The following POLR1E variants were observed in gnomAD, a reference collection of about 807,000 sequenced individuals.
The protein encoded by POLR1E is DNA-directed RNA polymerase I subunit RPA49.
In POLR1E, 37 loss-of-function variants were observed where a neutral mutation model predicts 50.9. The ratio of observed to expected loss-of-function variants is 0.73; its 90% CI spans 0.56 to 0.96. The LOEUF is 0.96. Among genes scored for constraint, POLR1E ranks in the 40% least tolerant of loss-of-function variants. The probability of loss-of-function intolerance (pLI) is 0.00; values close to 1 mark genes in which losing one functional copy is unlikely to be tolerated. For missense variants in POLR1E, 426 were observed against 518.1 expected (o/e 0.82, Z 1.73); for synonymous variants, 166 against 191.6 (o/e 0.87, Z 1.10).
At chr9:37,488,056 T>C in intron 3 of POLR1E, 117 bp downstream of exon 3, 3 of 962,120 alleles carry the variant, frequency 3.1e-6, no homozygotes, top group Non-Finnish European at 4.8e-6. Flanking sequence ...AGAGGTTTAC[T>C]AGGTGATCCC....
In POLR1E at chr9:37,501,820, G is replaced by A. The variant is rs1261841508; in HGVS notation, c.1076G>A (p.Arg359Lys). Reference protein sequence around the residue: ...DFQIDLTVLQRDLKLSEKRMM... With the variant: ...DFQIDLTVLQKDLKLSEKRMM... ...CAAATTGACCTGACAGTGTTACAGA[G>A]GGACTTGAAGCTCAGTGAGAAAAGG... Residue 359 changes from arginine to lysine, a missense_variant, in exon 11 of 12, where the codon AGG (arginine) becomes AAG (lysine). Coordinates refer to ENST00000377798, the MANE Select transcript of POLR1E (RefSeq NM_022490.4). 1 of 1,613,730 alleles carries A rather than the reference G, an allele frequency of 6.2e-7. No individual in the cohort carries two copies. Among genetic ancestry groups the A allele is most frequent in the Non-Finnish European group, 8.5e-7 (1 of 1,179,988 alleles).
Position 37,486,003 on chromosome 9 carries a change from G to T in POLR1E, c.-45G>T. ...CCGCGTGTTTAAAAGTGCGCTTGTG[G>T]CTGCTGCTGTCTTAACTCCTGTGCT... On this transcript the variant is annotated 5_prime_UTR_variant, in exon 1 of 12. Coordinates refer to ENST00000377798, the MANE Select transcript of POLR1E (RefSeq NM_022490.4). The T allele has an allele frequency of 6.3e-7, 1 of 1,575,590 alleles. No homozygotes were observed. The highest frequency in any genetic ancestry group is 8.6e-7 in the Non-Finnish European group (1 of 1,161,782).
intron 4 of POLR1E, among the ~76,000 whole-genome samples, chr9:37,490,021 CTG>C (rs60141301): frequency 0.22 from 32,717 of 152,134 alleles, 3,664 homozygotes; most frequent in East Asian, 0.26. Flanking sequence ...TAAAAGCAAT[CTG>C]AGCAATGATC....
chr9:37,492,176 C>A, intron 4 of POLR1E: 2 of 1,034,282 alleles, frequency 1.9e-6, no homozygotes, highest in Non-Finnish European at 1.3e-6. Flanking sequence ...CACTCCAGAG[C>A]TTGTACTGTT....
chr9:37,492,548 G>C, intron 4 of POLR1E, 109 bp from the exon 5 acceptor site: 2 of 1,096,406 alleles, frequency 1.8e-6, no homozygotes, highest in Non-Finnish European at 2.7e-6. Flanking sequence ...AAGTCCTATA[G>C]TAAAGAAATC....
At chr9:37,492,603 T>C in intron 4 of POLR1E, 54 bp from the exon 5 acceptor site, 1 of 1,495,228 alleles carries the variant, frequency 6.7e-7, no homozygotes, top group South Asian at 1.1e-5. Flanking sequence ...CTATTACTAT[T>C]TGTAGGCCTC....
intron 6 of POLR1E, 76 bp from the exon 7 acceptor site, chr9:37,495,093 A>C: frequency 2.5e-6 from 3 of 1,221,988 alleles, no homozygotes; most frequent in Non-Finnish European, 3.6e-6. Context: ...GGTGGTCTGA[A>C]GTGCACAGAC....
Position 37,493,588 on chromosome 9 carries a change from C to A in POLR1E, c.432C>A (p.Thr144=). Residue 144 remains threonine, a synonymous_variant, in exon 6 of 12, where the codon ACC becomes ACA. Coordinates refer to ENST00000377798, the MANE Select transcript of POLR1E (RefSeq NM_022490.4). Reference sequence around the variant, plus strand: ...ATTCTTGTATTGAAGCCTTTGGTACCACCAAACAGAAGCGAGCTCTGAACA... The same window carrying A: ...ATTCTTGTATTGAAGCCTTTGGTACAACCAAACAGAAGCGAGCTCTGAACA... ...KMDSCIEAFG[T]TKQKRALNTR... 1.2e-6 allele frequency: 2 copies of A among 1,608,310 alleles called. No homozygotes were observed. Among genetic ancestry groups the A allele is most frequent in the Non-Finnish European group, 1.7e-6 (2 of 1,176,958 alleles).
chr9:37,495,126 G>T, intron 6 of POLR1E, 43 bp from the exon 7 acceptor site: 2 of 1,504,768 alleles, frequency 1.3e-6, no homozygotes, highest in South Asian at 1.1e-5. Context: ...TGGGGAACTG[G>T]AAACAAACAG....
Position 37,503,226 on chromosome 9 carries a change from T to C in POLR1E, c.*24T>C, listed in dbSNP as rs762853606. 6.3e-7 allele frequency: 1 copy of C among 1,575,374 alleles called. No homozygotes were observed. The highest frequency in any genetic ancestry group is 1.2e-5 in the South Asian group (1 of 85,714). ...AGACGCATGCTTTCCAGACAGGGCG[T>C]TTTGGCTGCATCACAGCCACTGGCT... On this transcript the variant is annotated 3_prime_UTR_variant, in exon 12 of 12. Transcript: ENST00000377798.
Position 37,493,723 on chromosome 9 carries a change from G to A in POLR1E, c.547+20G>A. ...TGACTGGTAAGAAGTTGGAACTTGG[G>A]CTAAGAGTCTGCCCATAATGACAGC... On this transcript the variant is annotated intron_variant, in intron 6 of 11. Transcript: ENST00000377798. 6.7e-7 allele frequency: 1 copy of A among 1,488,944 alleles called. No individual in the cohort carries two copies. The highest frequency in any genetic ancestry group is 9.0e-7 in the Non-Finnish European group (1 of 1,110,206). The allele number at this position is 1,488,944 out of a possible 1,614,324, so 92.2% of individuals were successfully genotyped here.
chr9:37,488,293 T>C (rs550389906), intron 3 of POLR1E, among the ~76,000 whole-genome samples: 15 of 152,312 alleles, frequency 9.8e-5, no homozygotes, highest in African/African-American at 3.1e-4. Context: ...CTTGGTAGTG[T>C]TGAAGGCTCT....
In POLR1E at chr9:37,492,443, C is replaced by A. The variant is rs10814562; in HGVS notation, c.344-214C>A. 911 of 866,214 alleles carry A rather than the reference C, an allele frequency of 1.1e-3. 5 individuals carry two copies. The African/African-American group carries it at 0.014, about 14-fold the overall frequency. The allele number at this position is 866,214 out of a possible 1,614,324, so 53.7% of individuals were successfully genotyped here. ...AAATGAAGAGGTTGGGCTGGATGAC[C>A]GCTTGATTTGGCTAATTTATTTTCC... is the stretch of plus-strand genomic sequence containing the variant. On this transcript the variant is annotated intron_variant, in intron 4 of 11. Coordinates refer to ENST00000377798, the MANE Select transcript of POLR1E (RefSeq NM_022490.4).
At chr9:37,487,252 G>A (rs1820593354) in intron 2 of POLR1E, among the ~76,000 whole-genome samples, 1 of 152,206 alleles carries the variant, frequency 6.6e-6, no homozygotes. Context: ...CTGGCTGTGA[G>A]GGACACTTTT....
chr9:37,486,535 C>T (rs1820579257), intron 1 of POLR1E, 168 bp from the exon 2 acceptor site: 1 of 1,570,134 alleles, frequency 6.4e-7, no homozygotes, highest in Non-Finnish European at 8.6e-7. Context: ...ACCTCCTCTT[C>T]TCAGCTGGCC....
chr9:37,493,454 G>C, intron 5 of POLR1E, 105 bp from the exon 6 acceptor site: 1 of 1,011,004 alleles, frequency 9.9e-7, no homozygotes, highest in Non-Finnish European at 1.4e-6. Context: ...CACAGGTGAG[G>C]TAGTGATCAC....
chr9:37,503,314 A>C lies in POLR1E; in HGVS notation c.*112A>C. On this transcript the variant is annotated 3_prime_UTR_variant, in exon 12 of 12. Coordinates refer to ENST00000377798, the MANE Select transcript of POLR1E (RefSeq NM_022490.4). Reference sequence around the variant, plus strand: ...AGAAAAGGTCCGGGGATGGTGGCTCACACCTGAAATCCCAGCACTTTGGGA... The same window carrying C: ...AGAAAAGGTCCGGGGATGGTGGCTCCCACCTGAAATCCCAGCACTTTGGGA... 1 of 1,331,058 alleles carries C rather than the reference A, an allele frequency of 7.5e-7. No individual in the cohort carries two copies. The highest frequency in any genetic ancestry group is 1.0e-6 in the Non-Finnish European group (1 of 1,000,994). The allele number at this position is 1,331,058 out of a possible 1,614,324, so 82.5% of individuals were successfully genotyped here.
Position 37,500,862 on chromosome 9 carries a change from C to G in POLR1E, c.909C>G (p.Pro303=), listed in dbSNP as rs1371816288. Residue 303 remains proline, a synonymous_variant, in exon 10 of 12, where the codon CCC becomes CCG. Coordinates refer to ENST00000377798, the MANE Select transcript of POLR1E (RefSeq NM_022490.4). Reference sequence around the variant, plus strand: ...TAGGTGCTCTGGGACCTGGAGTTCCCCACATCATCAACACCAAACTGCTGA... The same window carrying G: ...TAGGTGCTCTGGGACCTGGAGTTCCGCACATCATCAACACCAAACTGCTGA... ...KRKSALGPGV[P]HIINTKLLKH... 1 of 1,613,676 alleles carries G rather than the reference C, an allele frequency of 6.2e-7. No homozygotes were observed. Among genetic ancestry groups the G allele is most frequent in the African/African-American group, 1.3e-5 (1 of 74,894 alleles).
chr9:37,497,644 A>G (rs1249566109), intron 8 of POLR1E, among the ~76,000 whole-genome samples: 1 of 152,240 alleles, frequency 6.6e-6, no homozygotes, highest in Admixed American at 6.5e-5. Flanking sequence ...CAGAGGTTGT[A>G]TGGCCTCCAA....
Sources: gnomAD v4.1 joint callset for allele counts (sites outside exome capture counted in the v4.1 genomes callset) on GRCh38, gnomAD v4.1.1 for gene constraint, MANE v1.5 for transcripts, NCBI Gene and HGNC (gene_info 2026-07-23, HGNC 2026-07-21) for gene names.